QKI: variants seen among roughly 807,000 people sequenced by gnomAD.
The protein encoded by QKI is KH domain-containing RNA-binding protein QKI.
Under a neutral mutation model 39.0 loss-of-function variants are expected in QKI, and 10 were observed. The ratio of observed to expected loss-of-function variants is 0.26; its 90% CI spans 0.16 to 0.43. The LOEUF (loss-of-function observed/expected upper bound fraction) is 0.43. Among genes scored for constraint, QKI ranks in the 20% least tolerant of loss-of-function variants. The pLI is 1.00. For synonymous variants in QKI, 204 were observed against 155.4 expected, an observed-to-expected ratio of 1.31 and a Z score of -2.33; for missense variants, 218 against 428.0, an observed-to-expected ratio of 0.51 and a Z score of 4.33.
chr6:163,561,833 G>A (rs1468699223), intron 4 of QKI, 149 bp from the exon 5 acceptor site: 2 of 494,968 alleles, frequency 4.0e-6, no homozygotes, highest in South Asian at 3.4e-5. Context: ...CATTATGTTA[G>A]CACCTTTTGG....
chr6:163,460,456 A>G lies in QKI; in HGVS notation c.285+5035A>G, dbSNP rs146520276. Among the ~76,000 whole-genome samples, 170 of 152,272 alleles carry G rather than the reference A, an allele frequency of 1.1e-3. No homozygotes were observed. In the Middle Eastern group the frequency reaches 0.014, roughly 12 times the overall value. Reference sequence around the variant, plus strand: ...CAGTACACTCCACTGTCTCTCTTATAATAATACATGTTGATGATGGAACAC... The same window carrying G: ...CAGTACACTCCACTGTCTCTCTTATGATAATACATGTTGATGATGGAACAC... On this transcript the variant is annotated intron_variant, in intron 2 of 7. Coordinates refer to ENST00000361752, the MANE Select transcript of QKI (RefSeq NM_006775.3).
At chr6:163,454,658 C>T (rs1019813751) in intron 1 of QKI, among the ~76,000 whole-genome samples, 1 of 152,078 alleles carries the variant, frequency 6.6e-6, no homozygotes, top group African/African-American at 2.4e-5. Flanking sequence ...TTCCTTACCC[C>T]TTCCTTTTTC....
chr6:163,472,047 G>C (rs1301282678), intron 2 of QKI, among the ~76,000 whole-genome samples: 1 of 152,084 alleles, frequency 6.6e-6, no homozygotes, highest in African/African-American at 2.4e-5. Context: ...ACAACATGGG[G>C]CTGAGGGGCA....
intron 2 of QKI, among the ~76,000 whole-genome samples, chr6:163,475,048 G>A (rs1340698240): frequency 1.3e-5 from 2 of 151,934 alleles, no homozygotes; most frequent in African/African-American, 4.8e-5. Context: ...AGAAATTGAT[G>A]GACTTATTCT....
intron 7 of QKI, chr6:163,569,777 G>GT: frequency 2.0e-6 from 2 of 987,896 alleles, no homozygotes; most frequent in Non-Finnish European, 2.4e-6. Context: ...TGTATTTGCA[G>GT]AGTATTAGCT....
At chr6:163,536,561 A>G (rs1167924741) in intron 4 of QKI, among the ~76,000 whole-genome samples, 1 of 152,154 alleles carries the variant, frequency 6.6e-6, no homozygotes, top group Non-Finnish European at 1.5e-5. Context: ...TTGTTGTTTG[A>G]GGATCAACTG....
At chr6:163,548,882 A>G (rs1041777031) in intron 4 of QKI, among the ~76,000 whole-genome samples, 1 of 152,202 alleles carries the variant, frequency 6.6e-6, no homozygotes, top group Non-Finnish European at 1.5e-5. Flanking sequence ...ACTGGGCAAA[A>G]TAAGCAGTTA....
intron 4 of QKI, among the ~76,000 whole-genome samples, chr6:163,558,228 T>C (rs945691500): frequency 1.3e-5 from 2 of 152,112 alleles, no homozygotes; most frequent in African/African-American, 4.8e-5. Context: ...GAAACTTAGT[T>C]TTCTCATCTG....
intron 3 of QKI, among the ~76,000 whole-genome samples, chr6:163,486,080 C>T (rs1051031244): frequency 6.6e-6 from 1 of 152,228 alleles, no homozygotes; most frequent in African/African-American, 2.4e-5. Context: ...CTTTTACTAT[C>T]TGTGCTGCAT....
Position 163,570,894 on chromosome 6 carries a change from C to CT in QKI, c.*201dup, listed in dbSNP as rs368970926. ...AAGAAATTGTTGTCCTCCAACTCAGCTTTTTTTTTTTTTTTTTCCTGTTTG... is the reference window on the plus strand; with the variant it reads ...AAGAAATTGTTGTCCTCCAACTCAGCTTTTTTTTTTTTTTTTTTCCTGTTTG... On this transcript the variant is annotated 3_prime_UTR_variant, in exon 8 of 8. Coordinates refer to ENST00000361752, the MANE Select transcript of QKI (RefSeq NM_006775.3). The CT allele has an allele frequency of 0.089, 43,126 of 482,572 alleles. 208 individuals are homozygous for CT. The highest frequency in any genetic ancestry group is 0.098 in the South Asian group (2,439 of 24,936). 29.9% of individuals were successfully genotyped at this position (482,572 alleles called of 1,614,324 possible). A position where few individuals can be genotyped will look rare whatever the true frequency, so the allele number is the denominator to read the frequency against.
chr6:163,542,794 A>G (rs914299170), intron 4 of QKI, among the ~76,000 whole-genome samples: 2 of 152,022 alleles, frequency 1.3e-5, no homozygotes, highest in Non-Finnish European at 2.9e-5. Flanking sequence ...CTTTATATAC[A>G]TGGAGGTCAG....
chr6:163,495,530 C>G (rs957645578), intron 3 of QKI, among the ~76,000 whole-genome samples: 19 of 152,124 alleles, frequency 1.2e-4, no homozygotes, highest in Non-Finnish European at 1.8e-4. Context: ...CAAGGACATT[C>G]TTTTACATAG....
At chr6:163,540,744 T>G (rs1386134873) in intron 4 of QKI, among the ~76,000 whole-genome samples, 1 of 152,150 alleles carries the variant, frequency 6.6e-6, no homozygotes, top group Non-Finnish European at 1.5e-5. Flanking sequence ...GATGTTTCTT[T>G]GATTTTGATG....
intron 4 of QKI, among the ~76,000 whole-genome samples, chr6:163,559,204 CTT>C (rs34843897): frequency 0.04 from 6,140 of 152,296 alleles, 133 homozygotes; most frequent in African/African-American, 0.063. Flanking sequence ...CGTCTTTCGT[CTT>C]TATTTCCTCT....
At chr6:163,421,307 TTAAA>T (rs1368012921) in intron 1 of QKI, among the ~76,000 whole-genome samples, 1 of 152,240 alleles carries the variant, frequency 6.6e-6, no homozygotes, top group Non-Finnish European at 1.5e-5. Context: ...ATTGCTTTAC[TTAAA>T]TAGTATAGTT....
At chr6:163,548,008 C>G (rs1157590537) in intron 4 of QKI, among the ~76,000 whole-genome samples, 1 of 152,190 alleles carries the variant, frequency 6.6e-6, no homozygotes, top group African/African-American at 2.4e-5. Flanking sequence ...CTCCTTTACA[C>G]TTACACCCAC....
intron 3 of QKI, among the ~76,000 whole-genome samples, chr6:163,482,890 C>T (rs1793184529): frequency 6.6e-6 from 1 of 152,150 alleles, no homozygotes; most frequent in South Asian, 2.1e-4. Flanking sequence ...CAGCCTTTCT[C>T]CCTTCCTTAG....
chr6:163,466,999 G>T (rs545411912), intron 2 of QKI, among the ~76,000 whole-genome samples: 2 of 135,976 alleles, frequency 1.5e-5, no homozygotes, highest in Non-Finnish European at 3.2e-5. Context: ...ATATCCAAAA[G>T]ATACCAGAAT....
At chr6:163,490,147 A>G (rs1276695623) in intron 3 of QKI, among the ~76,000 whole-genome samples, 1 of 152,202 alleles carries the variant, frequency 6.6e-6, no homozygotes, top group Non-Finnish European at 1.5e-5. Context: ...TGGCAATGAA[A>G]TGTATACTCT....
Sources: gnomAD v4.1 joint callset for allele counts (sites outside exome capture counted in the v4.1 genomes callset) on GRCh38, gnomAD v4.1.1 for gene constraint, MANE v1.5 for transcripts, NCBI Gene and HGNC (gene_info 2026-07-23, HGNC 2026-07-21) for gene names.